The following ZNF407 variants were observed in gnomAD, a reference collection of about 807,000 sequenced individuals.
ZNF407 encodes the protein zinc finger protein 407.
A neutral mutation model predicts 131.2 loss-of-function variants in ZNF407; 17 were observed. The ratio of observed to expected loss-of-function variants is 0.13; its 90% CI spans 0.09 to 0.19. The LOEUF is 0.19. Among genes scored for constraint, ZNF407 ranks in the 10% least tolerant of loss-of-function variants. The pLI is 1.00. For synonymous variants in ZNF407, 1,156 were observed against 1,062.0 expected, an observed-to-expected ratio of 1.09 and a Z score of -1.72; for missense variants, 2,681 against 2,830.6, an observed-to-expected ratio of 0.95 and a Z score of 1.20.
chr18:74,951,317 G>A (rs1972211242), intron 8 of ZNF407, among the ~76,000 whole-genome samples: 1 of 152,224 alleles, frequency 6.6e-6, no homozygotes, highest in African/African-American at 2.4e-5. Flanking sequence ...GCTTGCCCTT[G>A]GTGTGGGGCC....
At chr18:74,599,402 A>G (rs1430460124) in intron 1 of ZNF407, among the ~76,000 whole-genome samples, 2 of 152,252 alleles carry the variant, frequency 1.3e-5, no homozygotes, top group African/African-American at 2.4e-5. Flanking sequence ...AAGCAGAGCA[A>G]AGTGGCTCCA....
intron 5 of ZNF407, among the ~76,000 whole-genome samples, chr18:74,879,086 A>C (rs1032191633): frequency 6.6e-6 from 1 of 152,190 alleles, no homozygotes; most frequent in Non-Finnish European, 1.5e-5. Context: ...GTATGTATAA[A>C]TCTTAAAATA....
At chr18:74,858,633 G>GA (rs1381328699) in intron 4 of ZNF407, among the ~76,000 whole-genome samples, 2 of 152,208 alleles carry the variant, frequency 1.3e-5, no homozygotes, top group Non-Finnish European at 2.9e-5. Flanking sequence ...GATCCTAGTG[G>GA]ACTGTGACCT....
intron 4 of ZNF407, among the ~76,000 whole-genome samples, chr18:74,854,714 C>G (rs557914663): frequency 6.6e-6 from 1 of 152,018 alleles, no homozygotes; most frequent in East Asian, 1.9e-4. Flanking sequence ...CAATGCACTA[C>G]ACAGACACAC....
chr18:74,638,176 GA>G (rs1182008236), intron 2 of ZNF407, among the ~76,000 whole-genome samples: 10 of 152,194 alleles, frequency 6.6e-5, no homozygotes, highest in African/African-American at 2.4e-4. Flanking sequence ...ACTTCACTAA[GA>G]AATTCTGAAG....
intron 4 of ZNF407, among the ~76,000 whole-genome samples, chr18:74,825,199 A>G (rs1248717880): frequency 6.6e-6 from 1 of 152,200 alleles, no homozygotes; most frequent in Admixed American, 6.5e-5. Context: ...CTAGGTATCA[A>G]TAGAACACAT....
chr18:74,892,162 A>T (rs1971394190), intron 7 of ZNF407, among the ~76,000 whole-genome samples: 2 of 152,166 alleles, frequency 1.3e-5, no homozygotes, highest in African/African-American at 4.8e-5. Flanking sequence ...TTGACAAGCC[A>T]CAAGTTTTTA....
intron 8 of ZNF407, among the ~76,000 whole-genome samples, chr18:74,971,878 A>C (rs1972476698): frequency 6.6e-6 from 1 of 152,176 alleles, no homozygotes; most frequent in Non-Finnish European, 1.5e-5. Context: ...TGGGAAGAAA[A>C]AGAGGTTTAA....
chr18:74,900,142 G>T (rs1482444937), intron 7 of ZNF407, among the ~76,000 whole-genome samples: 2 of 152,248 alleles, frequency 1.3e-5, no homozygotes, highest in African/African-American at 4.8e-5. Context: ...CTAGTACAGT[G>T]TATACGTGAT....
intron 3 of ZNF407, 149 bp downstream of exon 3, chr18:74,641,271 T>C: frequency 3.3e-6 from 2 of 610,884 alleles, no homozygotes; most frequent in Admixed American, 5.6e-5. Context: ...ATTCCTTAAA[T>C]ACAGTTATGA....
intron 4 of ZNF407, among the ~76,000 whole-genome samples, chr18:74,832,790 A>G (rs1970503479): frequency 1.3e-5 from 2 of 152,342 alleles, no homozygotes; most frequent in Admixed American, 1.3e-4. Flanking sequence ...CCTGTTTCTT[A>G]CACACATATG....
In ZNF407 at chr18:74,631,499, T is replaced by C; in HGVS notation, c.480T>C (p.Leu160=). Residue 160 remains leucine (L), a synonymous_variant, in exon 2 of 9, where the codon CTT becomes CTC. Transcript: ENST00000299687. Reference sequence around the variant, plus strand: ...CATCTGCTCAGGAAATGGTTTCCCTTGATCTGGAAAGAGAATCTCCTTTCC... The same window carrying C: ...CATCTGCTCAGGAAATGGTTTCCCTCGATCTGGAAAGAGAATCTCCTTTCC... ...EKTSAQEMVS[L]DLERESPFPP... The C allele has an allele frequency of 6.2e-7, 1 of 1,613,986 alleles. No homozygotes were observed. The highest frequency in any genetic ancestry group is 8.5e-7 in the Non-Finnish European group (1 of 1,179,904).
At chr18:74,658,818 T>G (rs979153660) in intron 3 of ZNF407, among the ~76,000 whole-genome samples, 1 of 152,214 alleles carries the variant, frequency 6.6e-6, no homozygotes, top group African/African-American at 2.4e-5. Context: ...TAGACATTTA[T>G]TCAACTATGA....
chr18:74,950,582 C>T (rs553836831), intron 8 of ZNF407, among the ~76,000 whole-genome samples: 15 of 152,290 alleles, frequency 9.8e-5, no homozygotes, highest in African/African-American at 3.6e-4. Flanking sequence ...GTCACTGATA[C>T]AATTGTTCTA....
At chr18:74,804,494 T>G (rs1023617469) in intron 4 of ZNF407, 1 of 987,690 alleles carries the variant, frequency 1.0e-6, no homozygotes, top group African/African-American at 1.7e-5. Flanking sequence ...TGTACCCTTT[T>G]GGGAAAATTT....
intron 1 of ZNF407, among the ~76,000 whole-genome samples, chr18:74,611,060 G>A (rs1983037671): frequency 6.6e-6 from 1 of 152,158 alleles, no homozygotes; most frequent in South Asian, 2.1e-4. Context: ...AAAGTTACAT[G>A]TGGTCCTTAC....
chr18:74,698,054 G>T (rs537253776), intron 3 of ZNF407, among the ~76,000 whole-genome samples: 1 of 152,292 alleles, frequency 6.6e-6, no homozygotes, highest in South Asian at 2.1e-4. Flanking sequence ...ATTGTAATGT[G>T]CAGGTCAACA....
At position 74,616,930 on chromosome 18, in the gene ZNF407, A is replaced by G. The variant is rs1983321872; in HGVS notation, c.-53-14037A>G. 1.0e-4 allele frequency among the ~76,000 whole-genome samples: 14 copies of G among 139,218 alleles called. 1 individual carries two copies. The highest frequency in any genetic ancestry group is 2.0e-4 in the Non-Finnish European group (13 of 63,836). The allele number at this position is 139,218 out of a possible 152,430, so 91.3% of individuals were successfully genotyped here. A position where few individuals can be genotyped will look rare whatever the true frequency, so the allele number is the denominator to read the frequency against. On this transcript the variant is annotated intron_variant, in intron 1 of 8. Coordinates refer to ENST00000299687, the MANE Select transcript of ZNF407 (RefSeq NM_017757.3). ...ACACATCCATATCCACGCACCATACACATCCATATCCACACACCACACGCA... is the reference window on the plus strand; with the variant it reads ...ACACATCCATATCCACGCACCATACGCATCCATATCCACACACCACACGCA...
At chr18:74,662,372 T>C (rs1397726651) in intron 3 of ZNF407, among the ~76,000 whole-genome samples, 1 of 152,224 alleles carries the variant, frequency 6.6e-6, no homozygotes, top group East Asian at 1.9e-4. Context: ...GTTATCATTA[T>C]ACTATCACTT....
Sources: allele counts gnomAD v4.1 joint callset (sites outside exome capture counted in the v4.1 genomes callset), GRCh38; gene constraint gnomAD v4.1.1; transcripts MANE v1.5; gene names NCBI Gene and HGNC (gene_info 2026-07-23, HGNC 2026-07-21).